ARL2BP: variants seen among roughly 807,000 people sequenced by gnomAD.
The protein encoded by ARL2BP is ADP-ribosylation factor-like protein 2-binding protein.
Under a neutral mutation model 24.2 loss-of-function variants are expected in ARL2BP, and 19 were observed. The ratio of observed to expected loss-of-function variants is 0.79; its 90% CI spans 0.55 to 1.15. ARL2BP has a LOEUF of 1.15. Ranked by LOEUF, ARL2BP falls within the 50% of genes most tolerant of loss-of-function variation. The pLI is 0.00. For synonymous variants in ARL2BP, 56 were observed against 70.5 expected (o/e 0.79, Z 1.03); for missense variants, 160 against 190.4 (o/e 0.84, Z 0.94).
chr16:57,248,615 T>C lies in ARL2BP; in HGVS notation c.179T>C (p.Leu60Pro). The change falls in exon 3 of 6, where the codon CTC becomes CCC. Residue 60 changes from leucine (L) to proline (P), a missense_variant. Physicochemically the swap from Leu to Pro is moderately conservative, Grantham distance 98. Transcript: ENST00000219204. Reference protein sequence around the residue: ...LEFEDTEENKLIYTPIFNEYI... With the variant: ...LEFEDTEENKPIYTPIFNEYI... ...TTTGAAGACACAGAAGAGAATAAAC[T>C]CATCTACACACCTATTTTTAATGAA... The C allele has an allele frequency of 6.3e-7, 1 of 1,591,196 alleles. No homozygotes were observed. The highest frequency in any genetic ancestry group is 8.6e-7 in the Non-Finnish European group (1 of 1,168,070).
intron 3 of ARL2BP, chr16:57,249,350 AT>A (rs1240975136): frequency 2.5e-5 from 4 of 158,074 alleles, no homozygotes; most frequent in African/African-American, 9.6e-5. Flanking sequence ...CCAGGACTTT[AT>A]TTTCTTAACA....
At chr16:57,248,360 A>G in intron 2 of ARL2BP, 177 bp from the exon 3 acceptor site, 5 of 257,904 alleles carry the variant, frequency 1.9e-5, no homozygotes, top group Admixed American at 6.0e-5. Flanking sequence ...AGAAAACAGG[A>G]GGATTGGGCT....
chr16:57,246,255 A>T lies in ARL2BP; in HGVS notation c.100+114A>T, dbSNP rs1482907266. 7 of 958,752 alleles carry T rather than the reference A, an allele frequency of 7.3e-6. No individual in the cohort carries two copies. The Admixed American group carries it at 1.4e-4, about 20-fold the overall frequency. The allele number at this position is 958,752 out of a possible 1,614,324, so 59.4% of individuals were successfully genotyped here. A position where few individuals can be genotyped will look rare whatever the true frequency, so the allele number is the denominator to read the frequency against. On this transcript the variant is annotated intron_variant, in intron 2 of 5. Transcript: ENST00000219204. ...AACATCAAGCTGCCTGCAATTTTTA[A>T]TGTAGCACAATGTAATACTTAAGTA...
intron 2 of ARL2BP, chr16:57,246,403 T>G (rs1418755353): frequency 4.9e-6 from 2 of 410,202 alleles, no homozygotes; most frequent in Non-Finnish European, 8.7e-6. Context: ...AGTGTGGCGT[T>G]CTTCGCAAAA....
At chr16:57,247,086 T>C (rs1361885988) in intron 2 of ARL2BP, among the ~76,000 whole-genome samples, 1 of 152,202 alleles carries the variant, frequency 6.6e-6, no homozygotes, top group African/African-American at 2.4e-5. Context: ...TGTTATTTGG[T>C]GTTATTGGCT....
rs1057111225 is a variant in ARL2BP at position 57,250,445 on chromosome 16, G to A, written c.328G>A (p.Asp110Asn). The change falls in exon 5 of 6, where the codon GAC (aspartate) becomes AAC (asparagine). Residue 110 changes from aspartate (D) to asparagine (N), a missense_variant. Physicochemically the swap from Asp to Asn is conservative, Grantham distance 23 (BLOSUM62 1). Coordinates refer to ENST00000219204, the MANE Select transcript of ARL2BP (RefSeq NM_012106.4). ...HKDEVAGDIFDMLLTFTDFLA... is the reference protein window; with the variant it reads ...HKDEVAGDIFNMLLTFTDFLA... ...GGATGAAGTGGCTGGTGACATATTC[G>A]ACATGCTGCTCACCTTCACAGATTT... The A allele has an allele frequency of 6.2e-6, 10 of 1,614,046 alleles. No homozygotes were observed. Among genetic ancestry groups the A allele is most frequent in the Middle Eastern group, 1.6e-4 (1 of 6,078 alleles).
chr16:57,251,119 T>C lies in ARL2BP; in HGVS notation c.390+612T>C, dbSNP rs150237707. On this transcript the variant is annotated intron_variant, in intron 5 of 5. Transcript: ENST00000219204. ...GCTCTTTATAAGAAAAATAGGAGAC[T>C]GGGCATGGTAACTCACACCTATAAT... 907 of 151,610 alleles carry C rather than the reference T, an allele frequency of 6.0e-3. 2 individuals are homozygous for C. The highest frequency in any genetic ancestry group is 9.1e-3 in the Non-Finnish European group (618 of 68,032). The allele number at this position is 151,610 out of a possible 1,614,324, so 9.4% of individuals were successfully genotyped here. A position where few individuals can be genotyped will look rare whatever the true frequency, so the allele number is the denominator to read the frequency against.
At chr16:57,247,759 C>T (rs558548945) in intron 2 of ARL2BP, among the ~76,000 whole-genome samples, 6 of 152,322 alleles carry the variant, frequency 3.9e-5, no homozygotes, top group African/African-American at 1.4e-4. Context: ...GGGCTAGCCT[C>T]TTTCAGACCC....
At position 57,248,525 on chromosome 16, in the gene ARL2BP, A is replaced by T; in HGVS notation, c.101-12A>T. 1 of 1,534,538 alleles carries T rather than the reference A, an allele frequency of 6.5e-7. No individual in the cohort carries two copies. On this transcript the variant is annotated splice_polypyrimidine_tract_variant and intron_variant, in intron 2 of 5. Transcript: ENST00000219204. ...CCATTAAAAAGAATAAATTTTCCCC[A>T]CTGTGGTTCAGATGACGAGTTCCAG...
At position 57,250,405 on chromosome 16, in the gene ARL2BP, T is replaced by C. The variant is rs1458547501; in HGVS notation, c.294-6T>C. 1.9e-6 allele frequency: 3 copies of C among 1,613,458 alleles called. No homozygotes were observed. Among genetic ancestry groups the C allele is most frequent in the Admixed American group, 3.3e-5 (2 of 60,004 alleles). On this transcript the variant is annotated splice_region_variant and splice_polypyrimidine_tract_variant and intron_variant, in intron 4 of 5. Transcript: ENST00000219204. ...TTCACGAAACAGCCATCTGTTCCGTTTGCAGGCACCATAAGGATGAAGTGG... is the reference window on the plus strand; with the variant it reads ...TTCACGAAACAGCCATCTGTTCCGTCTGCAGGCACCATAAGGATGAAGTGG...
rs1211549745 is a variant in ARL2BP, at chr16:57,252,776, C to G, written c.*509C>G. The G allele has an allele frequency of 6.0e-6, 1 of 167,778 alleles. No individual in the cohort carries two copies. The highest frequency in any genetic ancestry group is 1.3e-5 in the Non-Finnish European group (1 of 76,116). 10.4% of individuals were successfully genotyped at this position (167,778 alleles called of 1,614,324 possible). ...TTGAGATTTTGGAGTCTCCTGTGAT[C>G]ACATCTTGTCTCGGCTGTAGGAATC... On this transcript the variant is annotated 3_prime_UTR_variant, in exon 6 of 6. Coordinates refer to ENST00000219204, the MANE Select transcript of ARL2BP (RefSeq NM_012106.4).
chr16:57,250,408 C>T lies in ARL2BP; in HGVS notation c.294-3C>T. The T allele has an allele frequency of 1.2e-6, 2 of 1,613,504 alleles. No homozygotes were observed. Among genetic ancestry groups the T allele is most frequent in the Non-Finnish European group, 1.7e-6 (2 of 1,179,436 alleles). ...ACGAAACAGCCATCTGTTCCGTTTG[C>T]AGGCACCATAAGGATGAAGTGGCTG... On this transcript the variant is annotated splice_region_variant and splice_polypyrimidine_tract_variant and intron_variant, in intron 4 of 5. Coordinates refer to ENST00000219204, the MANE Select transcript of ARL2BP (RefSeq NM_012106.4).
chr16:57,245,269 C>A lies in ARL2BP; in HGVS notation c.-99C>A. ...CTGACCCGACCTGGCAGTGAGCTGG[C>A]CGCGGCCTTGGCTGAGAGGCCTTAA... On this transcript the variant is annotated 5_prime_UTR_variant, in exon 1 of 6. Coordinates refer to ENST00000219204, the MANE Select transcript of ARL2BP (RefSeq NM_012106.4). 3.5e-6 allele frequency: 5 copies of A among 1,440,194 alleles called. No individual in the cohort carries two copies. Among genetic ancestry groups the A allele is most frequent in the Non-Finnish European group, 3.8e-6 (4 of 1,056,942 alleles). 89.2% of individuals were successfully genotyped at this position (1,440,194 alleles called of 1,614,324 possible).
chr16:57,246,640 A>C (rs2075391346), intron 2 of ARL2BP, among the ~76,000 whole-genome samples: 1 of 152,018 alleles, frequency 6.6e-6, no homozygotes, highest in African/African-American at 2.4e-5. Context: ...GTCTCTACTA[A>C]AAATACAAAA....
In ARL2BP at chr16:57,245,299, G is replaced by C; in HGVS notation, c.-69G>C. ...GCCTTGGCTGAGAGGCCTTAACCCC[G>C]CCGGGCGGCCGCGCCCTGCATGCGA... On this transcript the variant is annotated 5_prime_UTR_variant, in exon 1 of 6. Coordinates refer to ENST00000219204, the MANE Select transcript of ARL2BP (RefSeq NM_012106.4). 5 of 1,562,040 alleles carry C rather than the reference G, an allele frequency of 3.2e-6. No homozygotes were observed. Among genetic ancestry groups the C allele is most frequent in the Non-Finnish European group, 3.5e-6 (4 of 1,152,808 alleles).
intron 1 of ARL2BP, 27 bp from the exon 2 acceptor site, chr16:57,246,053 A>C: frequency 6.2e-7 from 1 of 1,610,932 alleles, no homozygotes; most frequent in African/African-American, 1.3e-5. Flanking sequence ...TATTTGAAAT[A>C]GCACCTAATC....
intron 1 of ARL2BP, 149 bp downstream of exon 1, chr16:57,245,554 C>T: frequency 9.6e-7 from 1 of 1,040,052 alleles, no homozygotes; most frequent in Non-Finnish European, 1.4e-6. Flanking sequence ...GTCCCAGCTC[C>T]AGGCCTTCCT....
rs2075390539 is a variant in ARL2BP, at chr16:57,246,400, C to T, written c.100+259C>T. The stretch of plus-strand genomic sequence containing the variant: ...GGCTAATAGGGCACCAGCAGTGTGG[C>T]GTTCTTCGCAAAACTATAGGAAATA... On this transcript the variant is annotated intron_variant, in intron 2 of 5. Coordinates refer to ENST00000219204, the MANE Select transcript of ARL2BP (RefSeq NM_012106.4). The T allele has an allele frequency of 1.5e-5, 6 of 409,872 alleles. No homozygotes were observed. In the South Asian group the frequency reaches 2.3e-4, roughly 16 times the overall value. The allele number at this position is 409,872 out of a possible 1,614,324, so 25.4% of individuals were successfully genotyped here.
chr16:57,248,574 C>CAAGTA lies in ARL2BP; in HGVS notation c.139_143dup (p.Tyr48Ter), dbSNP rs753029079. 3.7e-6 allele frequency: 6 copies of CAAGTA among 1,605,034 alleles called. No homozygotes were observed. The highest frequency in any genetic ancestry group is 5.1e-6 in the Non-Finnish European group (6 of 1,176,438). Reference sequence around the variant, plus strand: ...AGTTATTACAGAGAAATTTCATGGACAAGTACTACCTGGAGTTTGAAGACA... The same window carrying CAAGTA: ...AGTTATTACAGAGAAATTTCATGGACAAGTAAAGTACTACCTGGAGTTTGAAGACA... On this transcript the variant is annotated frameshift_variant, in exon 3 of 6. Transcript: ENST00000219204. LOFTEE classifies it high-confidence loss of function.
Sources: gnomAD v4.1 joint callset for allele counts (sites outside exome capture counted in the v4.1 genomes callset) on GRCh38, gnomAD v4.1.1 for gene constraint, MANE v1.5 for transcripts, NCBI Gene and HGNC (gene_info 2026-07-23, HGNC 2026-07-21) for gene names.